PCDH7: variants seen among roughly 807,000 people sequenced by gnomAD.
The protein encoded by PCDH7 is protocadherin 7.
Under a neutral mutation model 58.9 loss-of-function variants are expected in PCDH7, and 17 were observed. That is an observed-to-expected ratio of 0.29 (90% CI 0.20 to 0.43). The LOEUF (loss-of-function observed/expected upper bound fraction) is 0.43, where lower values mean the gene tolerates loss of function less well. Among genes scored for constraint, PCDH7 ranks in the 20% least tolerant of loss-of-function variants. The pLI, the probability that PCDH7 is intolerant of heterozygous loss-of-function variation, is 1.00. For missense variants in PCDH7, 1,274 were observed against 1,441.0 expected (o/e 0.88, Z 1.88); for synonymous variants, 664 against 616.4 (o/e 1.08, Z -1.14).
intron 1 of PCDH7, among the ~76,000 whole-genome samples, chr4:30,861,849 G>A (rs1734241147): frequency 6.6e-6 from 1 of 152,116 alleles, no homozygotes. Flanking sequence ...CTACTTAGAA[G>A]TAGAGCACCT....
In PCDH7 at chr4:31,056,619, AAGAC is replaced by A. The variant is rs543137258; in HGVS notation, c.*8-85850_*8-85847del. On this transcript the variant is annotated intron_variant, in intron 3 of 3. Transcript: ENST00000509759. ...GAAGGAAAGGAGAGAGAGAGAGTGA[AAGAC>A]AGAGAGAGAGAGGAGAGAGAGAGAG... Among the ~76,000 whole-genome samples, 102 of 146,908 alleles carry A rather than the reference AAGAC, an allele frequency of 6.9e-4. 1 individual carries two copies. Among genetic ancestry groups the A allele is most frequent in the African/African-American group, 2.3e-3 (91 of 39,764 alleles).
intron 1 of PCDH7, among the ~76,000 whole-genome samples, chr4:30,860,497 G>A (rs1244295883): frequency 6.6e-6 from 1 of 151,704 alleles, no homozygotes; most frequent in South Asian, 2.1e-4. Flanking sequence ...ATTATGGATT[G>A]TCTATTCATT....
chr4:31,029,592 A>G (rs1170422774), intron 3 of PCDH7, among the ~76,000 whole-genome samples: 1 of 152,220 alleles, frequency 6.6e-6, no homozygotes, highest in Admixed American at 6.5e-5. Flanking sequence ...AGCTCTAGCA[A>G]GGAAGTTTAT....
intron 3 of PCDH7, among the ~76,000 whole-genome samples, chr4:30,968,382 A>ATATATATATATATATATATAT (rs1749227074): frequency 2.0e-5 from 1 of 49,520 alleles, no homozygotes; most frequent in Non-Finnish European, 3.4e-5. Flanking sequence ...CACACTATAT[A>ATATATATATATATATATATAT]TATATATATA....
Position 30,951,339 on chromosome 4 carries a change from A to G in PCDH7, c.*7+1124A>G, listed in dbSNP as rs575187597. ...GAATACGGGAGAAATTGAAAAGGGAATGGATGTTAGTCTGGACCATTAATC... is the reference window on the plus strand; with the variant it reads ...GAATACGGGAGAAATTGAAAAGGGAGTGGATGTTAGTCTGGACCATTAATC... On this transcript the variant is annotated intron_variant, in intron 3 of 3. Transcript: ENST00000509759. Among the ~76,000 whole-genome samples, 3 of 152,306 alleles carry G rather than the reference A, an allele frequency of 2.0e-5. No individual in the cohort carries two copies. The South Asian group carries it at 6.2e-4, about 32-fold the overall frequency.
At chr4:30,949,955 ATTTG>A (rs1230797015) in intron 2 of PCDH7, among the ~76,000 whole-genome samples, 1 of 152,176 alleles carries the variant, frequency 6.6e-6, no homozygotes, top group Admixed American at 6.6e-5. Flanking sequence ...CAAAATACTA[ATTTG>A]TTTAGATTGT....
chr4:30,908,941 G>A (rs917169041), intron 1 of PCDH7, among the ~76,000 whole-genome samples: 2 of 152,062 alleles, frequency 1.3e-5, no homozygotes, highest in African/African-American at 4.8e-5. Flanking sequence ...ATAAAATACT[G>A]GCAAAGCAAA....
At chr4:30,730,693 G>A (rs892372360) in intron 1 of PCDH7, 15 of 1,334,734 alleles carry the variant, frequency 1.1e-5, no homozygotes, top group Middle Eastern at 1.9e-4. Flanking sequence ...TAAGACACTG[G>A]GGAAAATTTC....
At chr4:30,889,728 G>A (rs1422879041) in intron 1 of PCDH7, among the ~76,000 whole-genome samples, 1 of 152,068 alleles carries the variant, frequency 6.6e-6, no homozygotes, top group African/African-American at 2.4e-5. Flanking sequence ...GGAGCAAGGC[G>A]GCTCCCTTGT....
rs1203232 is a variant in PCDH7 at position 30,721,437 on chromosome 4, G to C, written c.15G>C (p.Arg5=). 6.6e-6 allele frequency: 10 copies of C among 1,523,870 alleles called. No homozygotes were observed. In the East Asian group the frequency reaches 2.3e-4, roughly 36 times the overall value. 94.4% of individuals were successfully genotyped at this position (1,523,870 alleles called of 1,614,324 possible). The change falls in exon 1 of 2, where the codon CGG becomes CGC. Residue 5 remains arginine, a synonymous_variant. Coordinates refer to ENST00000361762, the Ensembl canonical transcript of PCDH7. The surrounding 1 kb of genome is among the most constrained non-coding windows in gnomAD (Gnocchi z 6.7). ...AGCAGGAGAAGATGCTGAGGATGCGGACCGCGGGATGGGCGCGCGGCTGGT... is the reference window on the plus strand; with the variant it reads ...AGCAGGAGAAGATGCTGAGGATGCGCACCGCGGGATGGGCGCGCGGCTGGT...
At chr4:30,836,556 A>G (rs1398027087) in intron 1 of PCDH7, among the ~76,000 whole-genome samples, 1 of 152,208 alleles carries the variant, frequency 6.6e-6, no homozygotes, top group Admixed American at 6.5e-5. Flanking sequence ...GAGATTGTAT[A>G]TGTTGGCAAA....
At chr4:30,955,495 T>C (rs1190617252) in intron 3 of PCDH7, among the ~76,000 whole-genome samples, 2 of 68,236 alleles carry the variant, frequency 2.9e-5, no homozygotes, top group Admixed American at 3.0e-4. Flanking sequence ...TTTATTTTAT[T>C]ATTGTATTTT....
At chr4:31,128,276 G>C (rs368847367) in intron 3 of PCDH7, among the ~76,000 whole-genome samples, 1 of 151,922 alleles carries the variant, frequency 6.6e-6, no homozygotes, top group Admixed American at 6.6e-5. Flanking sequence ...GGGTCATGGC[G>C]CTCAGTTGAA....
chr4:30,811,711 A>G (rs1727041209), intron 1 of PCDH7, among the ~76,000 whole-genome samples: 1 of 152,240 alleles, frequency 6.6e-6, no homozygotes, highest in Non-Finnish European at 1.5e-5. Context: ...CTTTATGCCA[A>G]TATAGTCATA....
chr4:30,832,590 G>A, intron 1 of PCDH7, among the ~76,000 whole-genome samples: 1 of 151,984 alleles, frequency 6.6e-6, no homozygotes. Flanking sequence ...ATGTTGTTAG[G>A]AAAAAAATAG....
intron 3 of PCDH7, among the ~76,000 whole-genome samples, chr4:31,067,784 T>A (rs1758215066): frequency 6.6e-6 from 1 of 151,946 alleles, no homozygotes; most frequent in Non-Finnish European, 1.5e-5. Context: ...CTGTGGGGAA[T>A]TTTGAGACGT....
intron 3 of PCDH7, among the ~76,000 whole-genome samples, chr4:31,103,399 G>T (rs374590126): frequency 1.3e-5 from 2 of 152,154 alleles, no homozygotes; most frequent in African/African-American, 4.8e-5. Flanking sequence ...CTGTGCAGAG[G>T]CGTGATCTCG....
intron 1 of PCDH7, among the ~76,000 whole-genome samples, chr4:30,905,171 G>A (rs1029900589): frequency 6.6e-6 from 1 of 152,142 alleles, no homozygotes; most frequent in Non-Finnish European, 1.5e-5. Context: ...TGCTCATGAT[G>A]CAGGCCCCTA....
chr4:30,948,032 T>C (rs918131260), intron 2 of PCDH7, among the ~76,000 whole-genome samples: 3 of 152,182 alleles, frequency 2.0e-5, no homozygotes, highest in South Asian at 4.1e-4. Flanking sequence ...CCTTCTATGT[T>C]GTTTTGGTTA....
Sources: allele counts gnomAD v4.1 joint callset (sites outside exome capture counted in the v4.1 genomes callset), GRCh38; gene constraint gnomAD v4.1.1; non-coding constraint Gnocchi (gnomAD v3.1); transcripts MANE v1.5; gene names NCBI Gene and HGNC (gene_info 2026-07-23, HGNC 2026-07-21).